The following HIVEP1 variants were observed in gnomAD, a reference collection of about 807,000 sequenced individuals.
HIVEP1 encodes the protein zinc finger protein 40.
Under a neutral mutation model 180.0 loss-of-function variants are expected in HIVEP1, and 36 were observed. The ratio of observed to expected loss-of-function variants is 0.20; its 90% CI spans 0.15 to 0.26. HIVEP1 has a LOEUF of 0.26. Ranked by LOEUF, HIVEP1 falls within the 10% of genes least tolerant of loss-of-function variation. HIVEP1 has a pLI of 1.00. For synonymous variants in HIVEP1, 1,239 were observed against 1,239.0 expected (o/e 1.00, Z 0.00); for missense variants, 3,143 against 3,268.7 (o/e 0.96, Z 0.94).
At chr6:12,168,334 A>G (rs1028456892), downstream of HIVEP1, among the ~76,000 whole-genome samples, 1 of 131,648 alleles carries the variant, frequency 7.6e-6, no homozygotes, top group African/African-American at 2.7e-5. Context: ...ATATTATATA[A>G]TTATATATAC....
At chr6:12,062,504 G>T (rs891963820) in intron 2 of HIVEP1, among the ~76,000 whole-genome samples, 1 of 152,154 alleles carries the variant, frequency 6.6e-6, no homozygotes, top group Admixed American at 6.5e-5. Context: ...CAGCAAGGAA[G>T]CCAAAATTGG....
At chr6:12,117,267 A>G (rs987887678) in intron 3 of HIVEP1, among the ~76,000 whole-genome samples, 1 of 152,230 alleles carries the variant, frequency 6.6e-6, no homozygotes, top group African/African-American at 2.4e-5. Flanking sequence ...TTAAAATTAA[A>G]TAGATAACTA....
At chr6:12,029,072 A>G (rs2113633398) in intron 2 of HIVEP1, among the ~76,000 whole-genome samples, 1 of 152,314 alleles carries the variant, frequency 6.6e-6, no homozygotes, top group South Asian at 2.1e-4. Context: ...ATATAAATGC[A>G]CTGATTGTAT....
intron 2 of HIVEP1, among the ~76,000 whole-genome samples, chr6:12,023,370 G>A (rs1158725983): frequency 6.6e-6 from 1 of 152,164 alleles, no homozygotes; most frequent in East Asian, 1.9e-4. Context: ...AGCTGTTTAA[G>A]CATCGTTTTT....
intron 2 of HIVEP1, among the ~76,000 whole-genome samples, chr6:12,042,884 G>GT (rs747485447): frequency 8.5e-5 from 13 of 152,190 alleles, no homozygotes; most frequent in East Asian, 1.9e-4. Context: ...TGAATTCAGC[G>GT]TAATTGGTAT....
chr6:12,079,440 A>G (rs1245549419), intron 2 of HIVEP1, among the ~76,000 whole-genome samples: 2 of 152,176 alleles, frequency 1.3e-5, no homozygotes, highest in African/African-American at 2.4e-5. Flanking sequence ...TGAAGTGCAC[A>G]TTGAACTTTT....
At position 12,163,813 on chromosome 6, in the gene HIVEP1, T is replaced by C. The variant is rs766582207; in HGVS notation, c.7509T>C (p.Asn2503=). ...CCGTCAATATTGTAGGCCTAGCCAA[T>C]ACAAATATGGCCCCACAAGTCCATC... ...METVNIVGLA[N]TNMAPQVHPP... The change falls in exon 9 of 9, where the codon AAT becomes AAC. Residue 2503 remains asparagine (N), a synonymous_variant. Transcript: ENST00000379388. 29 of 1,613,980 alleles carry C rather than the reference T, an allele frequency of 1.8e-5. No individual in the cohort carries two copies. The South Asian group carries it at 2.7e-4, about 15-fold the overall frequency.
At chr6:12,020,890 C>CTTTCTTTTTTTTTT (rs536583043) in intron 2 of HIVEP1, among the ~76,000 whole-genome samples, 3 of 105,778 alleles carry the variant, frequency 2.8e-5, no homozygotes, top group Non-Finnish European at 3.6e-5. Context: ...TTCTTTCTTT[C>CTTTCTTTTTTTTTT]TTTTTTTTTT....
the HIVEP1 span, among the ~76,000 whole-genome samples, chr6:12,187,197 A>C: frequency 6.6e-6 from 1 of 152,214 alleles, no homozygotes; most frequent in Non-Finnish European, 1.5e-5. Flanking sequence ...ATTTGCAAAA[A>C]TAATGGCTGA....
At chr6:12,188,554 T>C in the HIVEP1 span, among the ~76,000 whole-genome samples, 27 of 152,130 alleles carry the variant, frequency 1.8e-4, no homozygotes, top group Non-Finnish European at 7.4e-5. Context: ...GATACGAAGC[T>C]AATATCAAAA....
At chr6:12,201,479 C>CAAAA in the HIVEP1 span, among the ~76,000 whole-genome samples, 1 of 138,418 alleles carries the variant, frequency 7.2e-6, no homozygotes, top group East Asian at 2.2e-4. Context: ...CCATCTAAAA[C>CAAAA]AAACAAACAA....
rs774412992 is a variant in HIVEP1, at chr6:12,123,648, C to T, written c.3853C>T (p.Arg1285Cys). The change falls in exon 4 of 9, where the codon CGT becomes TGT. Residue 1285 changes from arginine (R) to cysteine (C), a missense_variant. This residue lies in a region of HIVEP1 where 1,357 missense variants were observed against 1,260.5 expected (regional missense o/e 1.08). Coordinates refer to ENST00000379388, the MANE Select transcript of HIVEP1 (RefSeq NM_002114.4). ...EKLPPKKKRLRLAEIEHSSTE... is the reference protein window; with the variant it reads ...EKLPPKKKRLCLAEIEHSSTE... ...ACTGCCACCCAAAAAGAAAAGGCTC[C>T]GTCTGGCTGAGATAGAACATTCCTC... The T allele has an allele frequency of 6.8e-6, 11 of 1,614,088 alleles. No individual in the cohort carries two copies. Among genetic ancestry groups the T allele is most frequent in the Non-Finnish European group, 9.3e-6 (11 of 1,180,024 alleles).
intron 3 of HIVEP1, among the ~76,000 whole-genome samples, chr6:12,118,400 C>T (rs960824371): frequency 6.6e-5 from 10 of 151,974 alleles, no homozygotes; most frequent in Non-Finnish European, 1.2e-4. Context: ...GAGTAATATA[C>T]GATTGAATAT....
chr6:12,132,471 A>G lies in HIVEP1; in HGVS notation c.6385+1529A>G, dbSNP rs144342665. ...GCTATTTAAAAAATATTTATCAAGT[A>G]AGGGCAAAAAAGGAAGGACAACCTA... On this transcript the variant is annotated intron_variant, in intron 6 of 8. Coordinates refer to ENST00000379388, the MANE Select transcript of HIVEP1 (RefSeq NM_002114.4). 3.1e-3 allele frequency among the ~76,000 whole-genome samples: 465 copies of G among 152,330 alleles called. 1 individual carries two copies. The highest frequency in any genetic ancestry group is 0.01 in the Middle Eastern group (3 of 294).
intron 3 of HIVEP1, among the ~76,000 whole-genome samples, chr6:12,093,451 C>A (rs922769081): frequency 6.0e-5 from 9 of 151,188 alleles, no homozygotes; most frequent in African/African-American, 2.2e-4. Context: ...TTCTCTATCA[C>A]AAGGTCTTAA....
At chr6:12,017,489 G>A (rs930541671) in intron 2 of HIVEP1, among the ~76,000 whole-genome samples, 6 of 152,244 alleles carry the variant, frequency 3.9e-5, no homozygotes, top group African/African-American at 1.2e-4. Flanking sequence ...ATTGCAAAGA[G>A]CACAACAACA....
intron 7 of HIVEP1, among the ~76,000 whole-genome samples, chr6:12,154,100 G>A (rs220025): frequency 0.68 from 103,566 of 152,168 alleles, 35,562 homozygotes; most frequent in Non-Finnish European, 0.71. Flanking sequence ...GTGTACATGT[G>A]TATTCCATAT....
intron 2 of HIVEP1, among the ~76,000 whole-genome samples, chr6:12,068,256 A>G (rs1207198871): frequency 6.6e-6 from 1 of 151,924 alleles, no homozygotes; most frequent in East Asian, 1.9e-4. Context: ...ATGCCCGTCT[A>G]ATTTTGTATT....
chr6:12,164,320 T>C lies in HIVEP1; in HGVS notation c.8016T>C (p.Phe2672=), dbSNP rs755892919. Residue 2672 remains phenylalanine, a synonymous_variant, in exon 9 of 9, where the codon TTT becomes TTC. Transcript: ENST00000379388. The part of the protein sequence containing the change: ...QPLLKAHSEV[F]TKPSGQQTLS... ...TGCTGAAGGCACATTCTGAAGTTTT[T>C]ACAAAGCCCTCAGGCCAGCAGACTC... 3 of 1,613,770 alleles carry C rather than the reference T, an allele frequency of 1.9e-6. No individual in the cohort carries two copies. The African/African-American group carries it at 4.0e-5, about 22-fold the overall frequency.
Sources: gnomAD v4.1 joint callset for allele counts (sites outside exome capture counted in the v4.1 genomes callset) on GRCh38, gnomAD v4.1.1 for gene constraint, gnomAD v4.1.1 regional missense constraint, MANE v1.5 for transcripts, NCBI Gene and HGNC (gene_info 2026-07-23, HGNC 2026-07-21) for gene names.